The following ADK variants were observed in gnomAD, a reference collection of about 807,000 sequenced individuals.
The protein encoded by ADK is adenosine kinase.
ADK carries 24 observed loss-of-function variants against 44.7 expected under a neutral mutation model. The observed-to-expected ratio is 0.54, with a 90% CI of 0.39 to 0.76. The LOEUF (loss-of-function observed/expected upper bound fraction) is 0.76. Ranked by LOEUF, ADK falls within the 30% of genes least tolerant of loss-of-function variation. The pLI is 0.00. For missense variants in ADK, 321 were observed against 425.1 expected (o/e 0.76, Z 2.15); for synonymous variants, 128 against 142.6 (o/e 0.90, Z 0.73).
At chr10:74,613,144 C>T (rs1484028708) in intron 9 of ADK, among the ~76,000 whole-genome samples, 1 of 152,000 alleles carries the variant, frequency 6.6e-6, no homozygotes, top group African/African-American at 2.4e-5. Context: ...TTCTTTCAAT[C>T]TGATACAACC....
intron 5 of ADK, among the ~76,000 whole-genome samples, chr10:74,394,714 AGT>A (rs1231096608): frequency 2.0e-5 from 3 of 152,046 alleles, no homozygotes; most frequent in South Asian, 2.1e-4. Context: ...ACAGAGAGAG[AGT>A]GTGTGTGTGT....
At chr10:74,403,123 G>A (rs765294654) in intron 6 of ADK, among the ~76,000 whole-genome samples, 3 of 152,050 alleles carry the variant, frequency 2.0e-5, no homozygotes, top group Non-Finnish European at 2.9e-5. Flanking sequence ...TCAGAGGGGC[G>A]CCCAGTTGTA....
intron 4 of ADK, among the ~76,000 whole-genome samples, chr10:74,345,063 A>G (rs73288003): frequency 0.027 from 4,085 of 152,300 alleles, 169 homozygotes; most frequent in African/African-American, 0.081. Context: ...TTAGAATTCA[A>G]TAGTGAAGCC....
At chr10:74,612,898 A>G (rs779620552) in intron 9 of ADK, among the ~76,000 whole-genome samples, 1 of 151,832 alleles carries the variant, frequency 6.6e-6, no homozygotes, top group Non-Finnish European at 1.5e-5. Flanking sequence ...TTTCATCACT[A>G]TTTATTTTTG....
At chr10:74,164,077 G>T (rs112343267) in intron 1 of ADK, among the ~76,000 whole-genome samples, 49 of 152,296 alleles carry the variant, frequency 3.2e-4, no homozygotes, top group Non-Finnish European at 4.7e-4. Flanking sequence ...TCATAGGATA[G>T]CATGTTGATG....
At chr10:74,300,627 C>G (rs1372465747) in intron 3 of ADK, among the ~76,000 whole-genome samples, 4 of 152,142 alleles carry the variant, frequency 2.6e-5, no homozygotes, top group African/African-American at 9.7e-5. Context: ...TATCCACTCA[C>G]TTTGGCTTCC....
chr10:74,404,102 G>A (rs531942459), intron 6 of ADK, among the ~76,000 whole-genome samples: 4 of 150,456 alleles, frequency 2.7e-5, no homozygotes, highest in South Asian at 4.2e-4. Context: ...TCGATCTCCT[G>A]ACCTCATGAT....
chr10:74,288,173 G>A (rs1564634445), intron 3 of ADK, among the ~76,000 whole-genome samples: 2 of 152,034 alleles, frequency 1.3e-5, no homozygotes, highest in African/African-American at 2.4e-5. Context: ...TAATGCGGAA[G>A]GTTTGGCTTA....
At chr10:74,260,833 A>C (rs1467957888) in intron 3 of ADK, among the ~76,000 whole-genome samples, 13 of 152,218 alleles carry the variant, frequency 8.5e-5, no homozygotes, top group Non-Finnish European at 1.2e-4. Flanking sequence ...TGTGGATAAA[A>C]ACTGATTAGT....
intron 3 of ADK, among the ~76,000 whole-genome samples, chr10:74,293,884 C>T (rs907420326): frequency 1.3e-5 from 2 of 152,130 alleles, no homozygotes; most frequent in African/African-American, 4.8e-5. Flanking sequence ...GCTTAACTAC[C>T]ATTTAGTTCT....
chr10:74,500,529 C>T (rs1847852957), intron 6 of ADK, among the ~76,000 whole-genome samples: 1 of 152,086 alleles, frequency 6.6e-6, no homozygotes, highest in African/African-American at 2.4e-5. Flanking sequence ...TTTTGAGCAA[C>T]TTTCCGAGTG....
chr10:74,397,506 C>G lies in ADK; in HGVS notation c.447-965C>G, dbSNP rs142258692. Among the ~76,000 whole-genome samples, 745 of 151,906 alleles carry G rather than the reference C, an allele frequency of 4.9e-3. 4 individuals carry two copies. Among genetic ancestry groups the G allele is most frequent in the African/African-American group, 0.017 (701 of 41,464 alleles). Reference sequence around the variant, plus strand: ...TTGTATTTATTTTTAATTAAACAAGCCAAGTGACACTTGTAGCAGGATTTT... The same window carrying G: ...TTGTATTTATTTTTAATTAAACAAGGCAAGTGACACTTGTAGCAGGATTTT... On this transcript the variant is annotated intron_variant, in intron 5 of 10. Coordinates refer to ENST00000539909, the MANE Select transcript of ADK (RefSeq NM_006721.4).
chr10:74,368,126 C>T (rs1003981747), intron 4 of ADK, among the ~76,000 whole-genome samples: 1 of 152,102 alleles, frequency 6.6e-6, no homozygotes, highest in African/African-American at 2.4e-5. Context: ...GTCTTTTTCC[C>T]AGGAACAATA....
intron 4 of ADK, among the ~76,000 whole-genome samples, chr10:74,347,384 G>A (rs997596700): frequency 3.9e-5 from 6 of 152,018 alleles, no homozygotes; most frequent in African/African-American, 1.4e-4. Flanking sequence ...GTGCTATCTG[G>A]CCCAGATACC....
chr10:74,423,880 C>T, intron 6 of ADK: 1 of 240,224 alleles, frequency 4.2e-6, no homozygotes, highest in Non-Finnish European at 8.6e-6. Flanking sequence ...GAAGGCTGCT[C>T]TGATTATGCT....
At chr10:74,391,658 C>T (rs1843336124) in intron 4 of ADK, among the ~76,000 whole-genome samples, 2 of 128,636 alleles carry the variant, frequency 1.6e-5, no homozygotes, top group Admixed American at 7.7e-5. Context: ...AATATACACA[C>T]ACACACACAC....
chr10:74,424,338 C>T (rs1041244844), intron 6 of ADK, among the ~76,000 whole-genome samples: 1 of 151,892 alleles, frequency 6.6e-6, no homozygotes, highest in Non-Finnish European at 1.5e-5. Context: ...AGTTCATGAC[C>T]AGCCTGACCA....
chr10:74,666,794 A>G (rs1322734307), intron 9 of ADK, among the ~76,000 whole-genome samples: 1 of 149,806 alleles, frequency 6.7e-6, no homozygotes. Flanking sequence ...ATAGCTATGG[A>G]GTAGGTCATG....
intron 1 of ADK, among the ~76,000 whole-genome samples, chr10:74,183,383 G>A (rs1842632648): frequency 6.6e-6 from 1 of 152,192 alleles, no homozygotes; most frequent in South Asian, 2.1e-4. Flanking sequence ...GGCCAGCCTG[G>A]GCAATATGAT....
Sources: gnomAD v4.1 joint callset for allele counts (sites outside exome capture counted in the v4.1 genomes callset) on GRCh38, gnomAD v4.1.1 for gene constraint, MANE v1.5 for transcripts, NCBI Gene and HGNC (gene_info 2026-07-23, HGNC 2026-07-21) for gene names.